TMPRSS11F: variants seen among roughly 807,000 people sequenced by gnomAD.
The protein encoded by TMPRSS11F is transmembrane serine protease 11F.
In TMPRSS11F, 47 loss-of-function variants were observed where a neutral mutation model predicts 60.2. The observed-to-expected ratio is 0.78, with a 90% CI of 0.62 to 1.00. The LOEUF (loss-of-function observed/expected upper bound fraction) is 1.00, where lower values mean the gene tolerates loss of function less well. Among genes scored for constraint, TMPRSS11F ranks in the 50% least tolerant of loss-of-function variants. The pLI is 0.00. For synonymous variants in TMPRSS11F, 166 were observed against 167.3 expected, an observed-to-expected ratio of 0.99 and a Z score of 0.06; for missense variants, 519 against 522.9, an observed-to-expected ratio of 0.99 and a Z score of 0.07.
chr4:68,068,899 A>G, intron 6 of TMPRSS11F, 80 bp from the exon 7 acceptor site: 1 of 1,443,278 alleles, frequency 6.9e-7, no homozygotes. Flanking sequence ...GTTATAGACA[A>G]TCCTTTGTCC....
intron 1 of TMPRSS11F, among the ~76,000 whole-genome samples, chr4:68,115,944 T>C (rs1172687553): frequency 6.6e-6 from 1 of 152,206 alleles, no homozygotes; most frequent in East Asian, 1.9e-4. Context: ...TTTCCAAGTT[T>C]AACTGTATAT....
At chr4:68,096,057 T>G (rs1451406922) in intron 2 of TMPRSS11F, among the ~76,000 whole-genome samples, 1 of 151,956 alleles carries the variant, frequency 6.6e-6, no homozygotes, top group Non-Finnish European at 1.5e-5. Context: ...CAAATGTCTA[T>G]AAGTATTTGA....
chr4:68,066,786 T>A (rs1356000921), intron 7 of TMPRSS11F, among the ~76,000 whole-genome samples: 1 of 151,602 alleles, frequency 6.6e-6, no homozygotes, highest in Non-Finnish European at 1.5e-5. Flanking sequence ...ATAAAAAAAT[T>A]AGCTGGGCGC....
chr4:68,098,865 G>A, intron 2 of TMPRSS11F, 22 bp downstream of exon 2: 13 of 1,595,480 alleles, frequency 8.1e-6, no homozygotes, highest in Non-Finnish European at 1.0e-5. Context: ...TTAGGCAATG[G>A]AACTGTGACC....
intron 1 of TMPRSS11F, among the ~76,000 whole-genome samples, chr4:68,110,330 A>G (rs1035432937): frequency 2.6e-5 from 4 of 152,172 alleles, no homozygotes; most frequent in Non-Finnish European, 5.9e-5. Flanking sequence ...CACAAAGGAA[A>G]CTGTGAACCT....
chr4:68,122,298 T>C (rs1249454977), intron 1 of TMPRSS11F, among the ~76,000 whole-genome samples: 1 of 152,188 alleles, frequency 6.6e-6, no homozygotes, highest in African/African-American at 2.4e-5. Flanking sequence ...ACCCTACTTT[T>C]ATTTTGATAA....
chr4:68,064,771 T>C lies in TMPRSS11F; in HGVS notation c.929A>G (p.Gln310Arg), dbSNP rs765620321. ...STGVEFSNIV[Q>R]RVCLPDSSIK... Reference sequence around the variant, plus strand: ...AGATGAGTCTGGGAGGCAAACTCTCTGGACTATATTTGAAAACTCAACTCC... The same window carrying C: ...AGATGAGTCTGGGAGGCAAACTCTCCGGACTATATTTGAAAACTCAACTCC... Residue 310 changes from glutamine to arginine, a missense_variant, in exon 8 of 10, where the codon CAG becomes CGG. Physicochemically the swap from Gln to Arg is conservative, Grantham distance 43. Coordinates refer to ENST00000356291, the MANE Select transcript of TMPRSS11F (RefSeq NM_207407.2). 1.2e-6 allele frequency: 2 copies of C among 1,614,080 alleles called. No homozygotes were observed. The highest frequency in any genetic ancestry group is 2.7e-5 in the African/African-American group (2 of 74,936).
At chr4:68,125,266 A>T (rs1303202681) in intron 1 of TMPRSS11F, among the ~76,000 whole-genome samples, 1 of 151,910 alleles carries the variant, frequency 6.6e-6, no homozygotes, top group South Asian at 2.1e-4. Flanking sequence ...ATCACCTGAT[A>T]ATAATGCTAT....
intron 1 of TMPRSS11F, among the ~76,000 whole-genome samples, chr4:68,105,147 G>A (rs538255188): frequency 1.6e-4 from 24 of 145,800 alleles, no homozygotes; most frequent in South Asian, 1.1e-3. Flanking sequence ...AAGCCATCTG[G>A]TCCTGGGCTT....
intron 1 of TMPRSS11F, among the ~76,000 whole-genome samples, chr4:68,118,226 C>A (rs1210946102): frequency 6.6e-6 from 1 of 152,090 alleles, no homozygotes; most frequent in Non-Finnish European, 1.5e-5. Flanking sequence ...TAACACCAAC[C>A]AGTGTGAGGC....
intron 3 of TMPRSS11F, chr4:68,077,479 G>A (rs1723609798): frequency 6.6e-6 from 1 of 152,250 alleles, no homozygotes; most frequent in Non-Finnish European, 1.5e-5. Flanking sequence ...CAGGAATGCT[G>A]CTGGAAGAGC....
chr4:68,095,858 T>C (rs972693820), intron 2 of TMPRSS11F, among the ~76,000 whole-genome samples: 1 of 127,218 alleles, frequency 7.9e-6, no homozygotes, highest in African/African-American at 2.9e-5. Flanking sequence ...ACTGTGCCAT[T>C]GCACTACAGG....
At chr4:68,065,359 TGAAGC>T (rs1723303615) in intron 7 of TMPRSS11F, among the ~76,000 whole-genome samples, 2 of 152,202 alleles carry the variant, frequency 1.3e-5, no homozygotes, top group Non-Finnish European at 2.9e-5. Context: ...ATCGTTGAAG[TGAAGC>T]GTAATTTGTC....
At chr4:68,103,462 AT>A (rs1421116284) in intron 1 of TMPRSS11F, among the ~76,000 whole-genome samples, 2 of 135,176 alleles carry the variant, frequency 1.5e-5, no homozygotes, top group South Asian at 2.5e-4. Context: ...AAAAAAAAAA[AT>A]TAGTTGACCA....
intron 1 of TMPRSS11F, among the ~76,000 whole-genome samples, chr4:68,126,239 A>G (rs191743253): frequency 6.6e-6 from 1 of 152,286 alleles, no homozygotes; most frequent in East Asian, 1.9e-4. Context: ...ACAAACACAT[A>G]TGTCTACATA....
chr4:68,098,980 A>G lies in TMPRSS11F; in HGVS notation c.70T>C (p.Phe24Leu), dbSNP rs1724134708. ...SRAEYQRKQQ[F>L]WDSVRLALFT... Reference sequence around the variant, plus strand: ...AGAGCTAGCCGTACTGAGTCCCAAAATTGCTGCTTTCTTTGATATTCAGCT... The same window carrying G: ...AGAGCTAGCCGTACTGAGTCCCAAAGTTGCTGCTTTCTTTGATATTCAGCT... Residue 24 changes from phenylalanine to leucine, a missense_variant, in exon 2 of 10, where the codon TTT becomes CTT. Transcript: ENST00000356291. 2 of 1,613,360 alleles carry G rather than the reference A, an allele frequency of 1.2e-6. No individual in the cohort carries two copies. The highest frequency in any genetic ancestry group is 1.3e-5 in the African/African-American group (1 of 74,990).
Position 68,068,920 on chromosome 4 carries a change from G to A in TMPRSS11F, c.554-101C>T, listed in dbSNP as rs555499608. 1.9e-5 allele frequency: 23 copies of A among 1,212,238 alleles called. No individual in the cohort carries two copies. The African/African-American group carries it at 1.9e-4, about 10-fold the overall frequency. The allele number at this position is 1,212,238 out of a possible 1,614,324, so 75.1% of individuals were successfully genotyped here. A position where few individuals can be genotyped will look rare whatever the true frequency, so the allele number is the denominator to read the frequency against. ...GACAATCCTTTGTCCCTGCTACCAT[G>A]TGAACCATTCATAGCACTCAGCCTT... On this transcript the variant is annotated intron_variant, in intron 6 of 9. Coordinates refer to ENST00000356291, the MANE Select transcript of TMPRSS11F (RefSeq NM_207407.2).
chr4:68,114,460 T>C (rs1359415618), intron 1 of TMPRSS11F, among the ~76,000 whole-genome samples: 1 of 152,090 alleles, frequency 6.6e-6, no homozygotes. Flanking sequence ...AATTTGCTCA[T>C]GTAGATAAAA....
At chr4:68,066,797 G>T (rs546728738) in intron 7 of TMPRSS11F, among the ~76,000 whole-genome samples, 1 of 151,972 alleles carries the variant, frequency 6.6e-6, no homozygotes, top group Non-Finnish European at 1.5e-5. Flanking sequence ...AGCTGGGCGC[G>T]GTGGCGGGCG....
Sources: allele counts gnomAD v4.1 joint callset (sites outside exome capture counted in the v4.1 genomes callset), GRCh38; gene constraint gnomAD v4.1.1; transcripts MANE v1.5; gene names NCBI Gene and HGNC (gene_info 2026-07-23, HGNC 2026-07-21).